Variants in COX4I1 observed in about 807,000 individuals in gnomAD.
The protein encoded by COX4I1 is cytochrome c oxidase subunit 4I1, also known as cytochrome c oxidase subunit 4 isoform 1, mitochondrial.
In COX4I1, 18 loss-of-function variants were observed where a neutral mutation model predicts 21.7. The observed-to-expected ratio is 0.83, with a 90% confidence interval of 0.57 to 1.23. The LOEUF (loss-of-function observed/expected upper bound fraction) is 1.23, where lower values mean the gene tolerates loss of function less well. COX4I1 is among the 50% of genes most tolerant of loss of function. The pLI is 0.00. For missense variants in COX4I1, 238 were observed against 220.7 expected (o/e 1.08, Z -0.50); for synonymous variants, 100 against 81.5 (o/e 1.23, Z -1.23).
intron 3 of COX4I1, chr16:85,805,472 C>G (rs188868080): frequency 3.5e-6 from 2 of 575,512 alleles, no homozygotes; most frequent in African/African-American, 3.7e-5. Context: ...TACTGTAATT[C>G]AAGTAAGAAA....
chr16:85,801,338 T>C, intron 2 of COX4I1, 60 bp downstream of exon 2: 1 of 1,457,790 alleles, frequency 6.9e-7, no homozygotes, highest in East Asian at 2.3e-5. Context: ...GCTCCTGCTG[T>C]GTATAAAGCC....
At chr16:85,800,525 C>T (rs185111136) in intron 1 of COX4I1, among the ~76,000 whole-genome samples, 1 of 152,340 alleles carries the variant, frequency 6.6e-6, no homozygotes, top group African/African-American at 2.4e-5. Context: ...GAGCTGTCAC[C>T]TCCCCCCACC....
At position 85,806,922 on chromosome 16, in the gene COX4I1, T is replaced by C; in HGVS notation, c.*48T>C. ...CCTGCGCCTGGCTCTGTCACCGCCA[T>C]GCAACTCCATGCCTATTTACTGGAA... is the stretch of plus-strand genomic sequence containing the variant. On this transcript the variant is annotated 3_prime_UTR_variant, in exon 5 of 5. Coordinates refer to ENST00000253452, the MANE Select transcript of COX4I1 (RefSeq NM_001861.6). 6.4e-7 allele frequency: 1 copy of C among 1,573,766 alleles called. No homozygotes were observed. The highest frequency in any genetic ancestry group is 8.6e-7 in the Non-Finnish European group (1 of 1,156,424).
chr16:85,805,740 C>A lies in COX4I1; in HGVS notation c.249C>A (p.Arg83=). 2 of 1,614,236 alleles carry A rather than the reference C, an allele frequency of 1.2e-6. No individual in the cohort carries two copies. The highest frequency in any genetic ancestry group is 1.7e-6 in the Non-Finnish European group (2 of 1,180,042). ...TGTCCTCTCTGCCCCCAGTGTATCG[C>A]ATTAAGTTCAAGGAGAGCTTTGCTG... is the stretch of plus-strand genomic sequence containing the variant. ...LSMDEKVELY[R]IKFKESFAEM... is the part of the protein sequence containing the mutation. The change falls in exon 4 of 5, where the codon CGC becomes CGA. Residue 83 remains arginine (R), a synonymous_variant. Coordinates refer to ENST00000253452, the MANE Select transcript of COX4I1 (RefSeq NM_001861.6).
Position 85,801,124 on chromosome 16 carries a change from A to G in COX4I1, c.-1-81A>G. ...GGGAGAAGCAAACAAAAAAATTCCA[A>G]AATGCTCTGGGGCAAAAAGAAGACT... On this transcript the variant is annotated intron_variant, in intron 1 of 4. Transcript: ENST00000253452. 3.9e-6 allele frequency: 5 copies of G among 1,266,916 alleles called. No homozygotes were observed. The South Asian group carries it at 5.2e-5, about 13-fold the overall frequency. The allele number at this position is 1,266,916 out of a possible 1,614,324, so 78.5% of individuals were successfully genotyped here. A position where few individuals can be genotyped will look rare whatever the true frequency, so the allele number is the denominator to read the frequency against.
At chr16:85,805,203 T>A in intron 3 of COX4I1, 99 bp downstream of exon 3, 1 of 1,237,138 alleles carries the variant, frequency 8.1e-7, no homozygotes, top group South Asian at 1.5e-5. Context: ...CTAGAGGCAG[T>A]CTTGCACAGG....
chr16:85,805,415 T>C, intron 3 of COX4I1: 1 of 522,240 alleles, frequency 1.9e-6, no homozygotes, highest in Non-Finnish European at 3.4e-6. Flanking sequence ...ATGCATAGTG[T>C]TTGGTATGAA....
intron 4 of COX4I1, chr16:85,806,431 G>T (rs1455891068): frequency 3.6e-6 from 2 of 549,170 alleles, no homozygotes; most frequent in Non-Finnish European, 3.2e-6. Flanking sequence ...GTTAATAACA[G>T]ACCCGAATCT....
At position 85,805,555 on chromosome 16, in the gene COX4I1, C is replaced by G. The variant is rs1164086601; in HGVS notation, c.242-178C>G. The G allele has an allele frequency of 2.9e-5, 24 of 833,982 alleles. No individual in the cohort carries two copies. The East Asian group carries it at 6.1e-4, about 21-fold the overall frequency. 51.7% of individuals were successfully genotyped at this position (833,982 alleles called of 1,614,324 possible). On this transcript the variant is annotated intron_variant, in intron 3 of 4. Transcript: ENST00000253452. The stretch of plus-strand genomic sequence containing the variant: ...CTTCTTTCCTTGCCCTGTCACATGC[C>G]TGCGTGGGCACGTGTGTGCACGTAC...
chr16:85,806,732 C>T lies in COX4I1; in HGVS notation c.374-6C>T, dbSNP rs1567845262. 1.2e-6 allele frequency: 2 copies of T among 1,613,998 alleles called. No individual in the cohort carries two copies. Among genetic ancestry groups the T allele is most frequent in the Non-Finnish European group, 8.5e-7 (1 of 1,179,938 alleles). On this transcript the variant is annotated splice_polypyrimidine_tract_variant and splice_region_variant and intron_variant, in intron 4 of 4. Transcript: ENST00000253452. ...GTCTTGCCCCATAACCTGTCTCACA[C>T]CGTAGTGTACGGCCCCCTCCCGCAA...
chr16:85,801,234 T>C lies in COX4I1; in HGVS notation c.29T>C (p.Val10Ala). The change falls in exon 2 of 5, where the codon GTT becomes GCT. Residue 10 changes from valine (V) to alanine (A), a missense_variant. Transcript: ENST00000253452. MLATRVFSL[V>A]GKRAISTSVC... ...TTGGCTACCAGGGTATTTAGCCTAG[T>C]TGGCAAGCGAGCAATTTCCACCTCT... 6.2e-7 allele frequency: 1 copy of C among 1,610,394 alleles called. No homozygotes were observed.
At chr16:85,802,748 T>A (rs1377712024) in intron 2 of COX4I1, among the ~76,000 whole-genome samples, 2 of 152,208 alleles carry the variant, frequency 1.3e-5, no homozygotes, top group Admixed American at 6.5e-5. Flanking sequence ...TCTCTCTCTC[T>A]AAAAGAAATG....
At position 85,805,048 on chromosome 16, in the gene COX4I1, T is replaced by C. The variant is rs758991267; in HGVS notation, c.185T>C (p.Leu62Ser). The C allele has an allele frequency of 6.2e-7, 1 of 1,614,070 alleles. No individual in the cohort carries two copies. The highest frequency in any genetic ancestry group is 1.1e-5 in the South Asian group (1 of 91,082). Residue 62 changes from leucine to serine, a missense_variant, in exon 3 of 5, where the codon TTG (leucine) becomes TCG (serine). Physicochemically the swap from Leu to Ser is moderately radical, Grantham distance 145 (BLOSUM62 -2). Transcript: ENST00000253452. ...VKHLSASQKALKEKEKASWSS... is the reference protein window; with the variant it reads ...VKHLSASQKASKEKEKASWSS... ...CACCTGTCTGCCAGCCAGAAGGCAT[T>C]GAAGGAGAAGGAGAAGGCCTCCTGG...
intron 2 of COX4I1, chr16:85,803,921 C>G (rs1905963777): frequency 6.6e-6 from 1 of 152,274 alleles, no homozygotes; most frequent in Non-Finnish European, 1.5e-5. Context: ...TCTACTCTTT[C>G]TCCAGAGTAC....
intron 2 of COX4I1, among the ~76,000 whole-genome samples, chr16:85,801,962 G>A (rs1344387631): frequency 6.6e-6 from 1 of 152,126 alleles, no homozygotes; most frequent in Admixed American, 6.5e-5. Flanking sequence ...GATGGCTCCT[G>A]GGTAGAAGCA....
rs751199603 is a variant in COX4I1 at position 85,804,968 on chromosome 16, C to T, written c.105C>T (p.Leu35=). Residue 35 remains leucine (L), a synonymous_variant, in exon 3 of 5, where the codon CTC becomes CTT. Transcript: ENST00000253452. ...TTGTGAAGAGCGAAGACTTTTCGCTCCCAGCTTATATGGATCGGCGTGACC... is the reference window on the plus strand; with the variant it reads ...TTGTGAAGAGCGAAGACTTTTCGCTTCCAGCTTATATGGATCGGCGTGACC... ...ESVVKSEDFS[L]PAYMDRRDHP... The T allele has an allele frequency of 8.1e-6, 13 of 1,611,178 alleles. No individual in the cohort carries two copies.
rs984469284 is a variant in COX4I1 at position 85,806,890 on chromosome 16, G to A, written c.*16G>A. ...GAAGAAGTGAGAGATGCTGGCCTGC[G>A]CCTGCACCTGCGCCTGGCTCTGTCA... On this transcript the variant is annotated 3_prime_UTR_variant, in exon 5 of 5. Coordinates refer to ENST00000253452, the MANE Select transcript of COX4I1 (RefSeq NM_001861.6). 4.4e-6 allele frequency: 7 copies of A among 1,604,964 alleles called. No homozygotes were observed. The highest frequency in any genetic ancestry group is 3.4e-5 in the Admixed American group (2 of 59,356).
chr16:85,805,371 G>C, intron 3 of COX4I1: 1 of 520,268 alleles, frequency 1.9e-6, no homozygotes, highest in Non-Finnish European at 3.4e-6. Context: ...GTAAGACATA[G>C]TTAACTGTAA....
intron 4 of COX4I1, 86 bp downstream of exon 4, chr16:85,805,950 A>T: frequency 1.3e-6 from 2 of 1,555,572 alleles, no homozygotes. Flanking sequence ...GGACCTCCAT[A>T]CCTTGAGGCT....
Sources: gnomAD v4.1 joint callset for allele counts (sites outside exome capture counted in the v4.1 genomes callset) on GRCh38, gnomAD v4.1.1 for gene constraint, MANE v1.5 for transcripts, NCBI Gene and HGNC (gene_info 2026-07-23, HGNC 2026-07-21) for gene names.